The following KLHL25 variants were observed in gnomAD, a reference collection of about 807,000 sequenced individuals.
KLHL25 encodes kelch like family member 25.
Under a neutral mutation model 30.0 loss-of-function variants are expected in KLHL25, and 41 were observed. The ratio of observed to expected loss-of-function variants is 1.37; its 90% CI spans 1.07 to 1.78. The LOEUF (loss-of-function observed/expected upper bound fraction) is 1.78. KLHL25 is among the 40% of genes most tolerant of loss of function. The pLI is 0.00. For synonymous variants in KLHL25, 399 were observed against 355.3 expected (o/e 1.12, Z -1.38); for missense variants, 971 against 824.5 (o/e 1.18, Z -2.18).
chr15:85,769,852 A>G, intron 1 of KLHL25, 32 bp from the exon 2 acceptor site: 4 of 1,549,510 alleles, frequency 2.6e-6, no homozygotes, highest in Non-Finnish European at 3.5e-6. Context: ...AGGTTAGAGG[A>G]GCCCCTCCTG....
At chr15:85,771,582 G>A (rs1389827626) in intron 1 of KLHL25, among the ~76,000 whole-genome samples, 1 of 152,232 alleles carries the variant, frequency 6.6e-6, no homozygotes, top group African/African-American at 2.4e-5. Flanking sequence ...GGCTTAGGCA[G>A]AGAGGGCACA....
chr15:85,791,972 G>A (rs1278616455), intron 1 of KLHL25, among the ~76,000 whole-genome samples: 1 of 152,090 alleles, frequency 6.6e-6, no homozygotes, highest in African/African-American at 2.4e-5. Flanking sequence ...AAACCCCTTC[G>A]CTTCCCCACC....
Position 85,768,315 on chromosome 15 carries a change from C to A in KLHL25, c.1496G>T (p.Gly499Val), listed in dbSNP as rs753598483. The A allele has an allele frequency of 6.2e-7, 1 of 1,613,994 alleles. No homozygotes were observed. The highest frequency in any genetic ancestry group is 1.1e-5 in the South Asian group (1 of 91,088). Reference sequence around the variant, plus strand: ...CGAGGCGGCTGTGAATTCCGTGTCACCTCCCATGATGAAGATCTGGCTGCC... The same window carrying A: ...CGAGGCGGCTGTGAATTCCGTGTCAACTCCCATGATGAAGATCTGGCTGCC... ...VLGSQIFIMG[G>V]DTEFTAASAY... is the part of the protein sequence containing the mutation. The change falls in exon 2 of 3, where the codon GGT becomes GTT. Residue 499 changes from glycine to valine, a missense_variant. Transcript: ENST00000337975.
At chr15:85,765,686 G>A (rs944882602) in intron 2 of KLHL25, among the ~76,000 whole-genome samples, 2 of 150,670 alleles carry the variant, frequency 1.3e-5, no homozygotes, top group Non-Finnish European at 3.0e-5. Flanking sequence ...AAAAAAGCAA[G>A]CCAGATGCGG....
intron 1 of KLHL25, among the ~76,000 whole-genome samples, chr15:85,774,825 T>G (rs2089699114): frequency 6.6e-6 from 1 of 151,700 alleles, no homozygotes; most frequent in Non-Finnish European, 1.5e-5. Flanking sequence ...TATGGCCCCC[T>G]GGTACAAAAT....
At chr15:85,763,640 G>A (rs1000362873) in intron 2 of KLHL25, 1 of 152,260 alleles carries the variant, frequency 6.6e-6, no homozygotes, top group African/African-American at 2.4e-5. Flanking sequence ...GGACCTCCTG[G>A]TGGCTTCTGA....
At chr15:85,794,224 A>C (rs1190325656) in intron 1 of KLHL25, among the ~76,000 whole-genome samples, 1 of 152,168 alleles carries the variant, frequency 6.6e-6, no homozygotes, top group East Asian at 1.9e-4. Flanking sequence ...CTGCAAACCG[A>C]AACGAGGGAC....
intron 2 of KLHL25, chr15:85,763,828 G>A (rs2089599541): frequency 1.3e-5 from 2 of 152,358 alleles, no homozygotes; most frequent in Admixed American, 1.3e-4. Flanking sequence ...GTCAGGGAGG[G>A]AAACGTAGGG....
chr15:85,768,488 A>G lies in KLHL25; in HGVS notation c.1323T>C (p.Ser441=). 2.5e-6 allele frequency: 4 copies of G among 1,613,472 alleles called. No individual in the cohort carries two copies. Among genetic ancestry groups the G allele is most frequent in the Non-Finnish European group, 3.4e-6 (4 of 1,179,968 alleles). Reference sequence around the variant, plus strand: ...CGAAAACAAAGAGCTTCAGCTTGGCACTCACCACTGCGGCATTGCTGACGC... The same window carrying G: ...CGAAAACAAAGAGCTTCAGCTTGGCGCTCACCACTGCGGCATTGCTGACGC... ...RDGVSNAAVV[S]AKLKLFVFGG... is the part of the protein sequence containing the mutation. The change falls in exon 2 of 3, where the codon AGT becomes AGC. Residue 441 remains serine (S), a synonymous_variant. Coordinates refer to ENST00000337975, the MANE Select transcript of KLHL25 (RefSeq NM_022480.4).
intron 1 of KLHL25, among the ~76,000 whole-genome samples, chr15:85,784,425 G>A (rs1006750038): frequency 6.6e-6 from 1 of 152,162 alleles, no homozygotes; most frequent in Non-Finnish European, 1.5e-5. Context: ...CAGCTACTCA[G>A]GAGGCTGAGG....
In KLHL25 at chr15:85,768,412, G is replaced by A. The variant is rs781620646; in HGVS notation, c.1399C>T (p.Pro467Ser). 1.9e-6 allele frequency: 3 copies of A among 1,613,624 alleles called. No homozygotes were observed. Among genetic ancestry groups the A allele is most frequent in the Admixed American group, 3.3e-5 (2 of 60,030 alleles). The change falls in exon 2 of 3, where the codon CCC becomes TCC. Residue 467 changes from proline to serine, a missense_variant. Coordinates refer to ENST00000337975, the MANE Select transcript of KLHL25 (RefSeq NM_022480.4). ...TTGATCGTCCACCTGTTCTCCGAGG[G>A]GTCATAGCACTGGACCTTGGACACC... ...DMVSKVQCYD[P>S]SENRWTIKAE...
intron 1 of KLHL25, among the ~76,000 whole-genome samples, chr15:85,790,770 ACT>A (rs2151814164): frequency 6.6e-6 from 1 of 152,078 alleles, no homozygotes; most frequent in African/African-American, 2.4e-5. Flanking sequence ...CCTCATACAG[ACT>A]CTGTACCCAA....
chr15:85,776,647 C>T (rs560404967), intron 1 of KLHL25, among the ~76,000 whole-genome samples: 15 of 150,952 alleles, frequency 9.9e-5, no homozygotes, highest in South Asian at 6.3e-4. Context: ...GATCTGAGGC[C>T]GGGCACGGTG....
intron 1 of KLHL25, among the ~76,000 whole-genome samples, chr15:85,771,328 C>G (rs1183324699): frequency 6.6e-6 from 1 of 152,102 alleles, no homozygotes; most frequent in African/African-American, 2.4e-5. Flanking sequence ...AAACAAAAAA[C>G]CCTAAACAAC....
At position 85,768,683 on chromosome 15, in the gene KLHL25, A is replaced by T; in HGVS notation, c.1128T>A (p.Ile376=). 6.2e-7 allele frequency: 1 copy of T among 1,613,338 alleles called. No homozygotes were observed. Among genetic ancestry groups the T allele is most frequent in the Non-Finnish European group, 8.5e-7 (1 of 1,179,646 alleles). ...CAGCTGAGCCATGGCCAAAGCGGGC[A>T]ATCAGCATGGGCGCCGCCTTGGACC... is the stretch of plus-strand genomic sequence containing the variant. ...EEWSKAAPML[I]ARFGHGSAEL... is the part of the protein sequence containing the mutation. Residue 376 remains isoleucine (I), a synonymous_variant, in exon 2 of 3, where the codon ATT becomes ATA. Transcript: ENST00000337975.
chr15:85,788,683 A>C (rs1189977644), intron 1 of KLHL25, among the ~76,000 whole-genome samples: 1 of 152,192 alleles, frequency 6.6e-6, no homozygotes, highest in Non-Finnish European at 1.5e-5. Flanking sequence ...CTGAGCTCCC[A>C]AGCAGGAGCT....
chr15:85,761,455 G>C (rs1352330625), intron 2 of KLHL25: 3 of 152,310 alleles, frequency 2.0e-5, no homozygotes, highest in East Asian at 3.9e-4. Context: ...CTTTCTTCTG[G>C]AGCTAGGTTG....
chr15:85,773,229 C>T (rs973483010), intron 1 of KLHL25, among the ~76,000 whole-genome samples: 2 of 152,188 alleles, frequency 1.3e-5, no homozygotes, highest in African/African-American at 4.8e-5. Context: ...GGTCACTTGA[C>T]TTGATGGCAT....
Position 85,793,088 on chromosome 15 carries a change from G to C in KLHL25, c.-11+1678C>G, listed in dbSNP as rs892128141. Among the ~76,000 whole-genome samples the C allele has an allele frequency of 5.1e-5, 7 of 136,716 alleles. No homozygotes were observed. In the East Asian group the frequency reaches 9.6e-4, roughly 19 times the overall value. 89.7% of individuals were successfully genotyped at this position (136,716 alleles called of 152,430 possible). A position where few individuals can be genotyped will look rare whatever the true frequency, so the allele number is the denominator to read the frequency against. On this transcript the variant is annotated intron_variant, in intron 1 of 2. Transcript: ENST00000337975. ...CCCCGCCCCCGCCCAAGTGATAGAC[G>C]GGACGAACCAAGCTTGCTTTCACTG...
Sources: gnomAD v4.1 joint callset for allele counts (sites outside exome capture counted in the v4.1 genomes callset) on GRCh38, gnomAD v4.1.1 for gene constraint, MANE v1.5 for transcripts, NCBI Gene and HGNC (gene_info 2026-07-23, HGNC 2026-07-21) for gene names.